IGF2R: variants seen among roughly 807,000 people sequenced by gnomAD.
IGF2R encodes insulin like growth factor 2 receptor, also known as cation-independent mannose-6-phosphate receptor.
In IGF2R, 91 loss-of-function variants were observed where a neutral mutation model predicts 270.6. The ratio of observed to expected loss-of-function variants is 0.34; its 90% CI spans 0.28 to 0.40. The LOEUF (loss-of-function observed/expected upper bound fraction) is 0.40, where lower values mean the gene tolerates loss of function less well. Ranked by LOEUF, IGF2R falls within the 10% of genes least tolerant of loss-of-function variation. The pLI is 1.00. For synonymous variants in IGF2R, 1,316 were observed against 1,258.9 expected, an observed-to-expected ratio of 1.05 and a Z score of -0.96; for missense variants, 2,805 against 3,188.3, an observed-to-expected ratio of 0.88 and a Z score of 2.90.
At chr6:160,072,293 T>A (rs915670108) in intron 32 of IGF2R, among the ~76,000 whole-genome samples, 2 of 152,046 alleles carry the variant, frequency 1.3e-5, no homozygotes, top group Admixed American at 6.5e-5. Flanking sequence ...TGAGAGGTGC[T>A]CCTGACTGGG....
chr6:160,024,852 A>G (rs1355570656), intron 5 of IGF2R, 148 bp downstream of exon 5: 11 of 851,616 alleles, frequency 1.3e-5, no homozygotes, highest in African/African-American at 6.8e-5. Flanking sequence ...AAAATGTTCT[A>G]TTTGCACAAC....
intron 1 of IGF2R, among the ~76,000 whole-genome samples, chr6:159,971,332 C>G (rs1197795834): frequency 6.6e-6 from 1 of 152,162 alleles, no homozygotes; most frequent in African/African-American, 2.4e-5. Flanking sequence ...GTAGGAATGG[C>G]CTTTGTATCT....
At chr6:160,054,877 T>C (rs982068280) in intron 19 of IGF2R, among the ~76,000 whole-genome samples, 5 of 152,220 alleles carry the variant, frequency 3.3e-5, no homozygotes, top group Admixed American at 6.5e-5. Flanking sequence ...TGTGGCAGCT[T>C]CCTCAAGCCC....
chr6:160,037,409 A>C (rs1448801812), intron 10 of IGF2R, among the ~76,000 whole-genome samples: 1 of 152,232 alleles, frequency 6.6e-6, no homozygotes, highest in Non-Finnish European at 1.5e-5. Flanking sequence ...TCGAATTTAA[A>C]CTTAGAGTTT....
chr6:160,006,381 GACACGCCCAC>G (rs1388515006), intron 2 of IGF2R: 1 of 152,958 alleles, frequency 6.5e-6, no homozygotes, highest in Non-Finnish European at 1.5e-5. Flanking sequence ...GTGCCTCCCA[GACACGCCCAC>G]TGCGGGCGGG....
intron 7 of IGF2R, among the ~76,000 whole-genome samples, chr6:160,030,641 G>T (rs1371811556): frequency 8.1e-6 from 1 of 124,100 alleles, no homozygotes; most frequent in Admixed American, 9.6e-5. Flanking sequence ...GATGTTCTCA[G>T]GCGGTAGTGG....
chr6:160,029,112 A>T (rs1480839915), intron 6 of IGF2R, among the ~76,000 whole-genome samples: 2 of 152,072 alleles, frequency 1.3e-5, no homozygotes, highest in Non-Finnish European at 2.9e-5. Flanking sequence ...CCTCCTCAGT[A>T]GCTGGGACTA....
rs922776633 is a variant in IGF2R, at chr6:159,998,329, A to G, written c.289+7006A>G. On this transcript the variant is annotated intron_variant, in intron 2 of 47. Transcript: ENST00000356956. This position sits in a 1 kb window ranked among gnomAD's most constrained non-coding sequence, Gnocchi z 4.1. The stretch of plus-strand genomic sequence containing the variant: ...CATAGACTGATGCCAGATGGAGGCA[A>G]CTTACTTGAAGGATAATTTGTGAGC... 2.0e-5 allele frequency among the ~76,000 whole-genome samples: 3 copies of G among 152,218 alleles called. No homozygotes were observed. Among genetic ancestry groups the G allele is most frequent in the Non-Finnish European group, 2.9e-5 (2 of 68,032 alleles).
At position 160,058,047 on chromosome 6, in the gene IGF2R, A is replaced by G. The variant is rs769815431; in HGVS notation, c.2821A>G (p.Ser941Gly). Reference protein sequence around the residue: ...DQACSIRDPNSGFVFNLNPLN... With the variant: ...DQACSIRDPNGGFVFNLNPLN... ...GGCTTGCTCTATAAGGGATCCCAAC[A>G]GTGGATTTGTGTTTAATCTTAATCC... The change falls in exon 21 of 48, where the codon AGT becomes GGT. Residue 941 changes from serine to glycine, a missense_variant. Ser to Gly is a moderately conservative substitution (Grantham distance 56). Around this residue, in one of 2 missense-constraint regions of IGF2R, gnomAD observed 1,851 missense variants for 2,207.2 expected, o/e 0.84. Coordinates refer to ENST00000356956, the MANE Select transcript of IGF2R (RefSeq NM_000876.4). The G allele has an allele frequency of 1.2e-6, 2 of 1,613,666 alleles. No homozygotes were observed. The highest frequency in any genetic ancestry group is 3.3e-5 in the Admixed American group (2 of 60,034).
intron 26 of IGF2R, 73 bp downstream of exon 26, chr6:160,062,692 T>C (rs534141676): frequency 1.9e-6 from 2 of 1,044,928 alleles, no homozygotes; most frequent in Non-Finnish European, 2.9e-6. Context: ...ATGCCTTAGA[T>C]ATGAGACCGT....
chr6:160,041,243 A>G (rs1252918179), intron 11 of IGF2R, among the ~76,000 whole-genome samples: 1 of 146,934 alleles, frequency 6.8e-6, no homozygotes, highest in Non-Finnish European at 1.5e-5. Flanking sequence ...TCAAGCAGGG[A>G]TAATCTGATG....
At chr6:160,080,816 A>G (rs115292577) in intron 39 of IGF2R, among the ~76,000 whole-genome samples, 18 of 152,248 alleles carry the variant, frequency 1.2e-4, no homozygotes, top group Admixed American at 2.6e-4. Flanking sequence ...AGGGAAATGC[A>G]TGAAAAATTA....
At position 160,103,598 on chromosome 6, in the gene IGF2R, G is replaced by A. The variant is rs8191948; in HGVS notation, c.6996-148G>A. The stretch of plus-strand genomic sequence containing the variant: ...CATTAGGGTATATATAACCTGTCAC[G>A]GCTACTCATTTGTCATTCAGAATGT... On this transcript the variant is annotated intron_variant, in intron 46 of 47. Coordinates refer to ENST00000356956, the MANE Select transcript of IGF2R (RefSeq NM_000876.4). 4,273 of 642,290 alleles carry A rather than the reference G, an allele frequency of 6.7e-3. 35 individuals carry two copies. Among genetic ancestry groups the A allele is most frequent in the Non-Finnish European group, 9.2e-3 (3,263 of 353,252 alleles). 39.8% of individuals were successfully genotyped at this position (642,290 alleles called of 1,614,324 possible).
chr6:159,970,093 C>T (rs1783587073), intron 1 of IGF2R, among the ~76,000 whole-genome samples: 1 of 152,012 alleles, frequency 6.6e-6, no homozygotes, highest in South Asian at 2.1e-4. Context: ...TCATTGTCTC[C>T]GGGGCGGATT....
intron 31 of IGF2R, among the ~76,000 whole-genome samples, chr6:160,071,153 C>T (rs1307382938): frequency 6.7e-6 from 1 of 150,008 alleles, no homozygotes; most frequent in Non-Finnish European, 1.5e-5. Context: ...GTGCCCCAGA[C>T]CCAGGAGGCT....
chr6:160,096,576 G>C lies in IGF2R; in HGVS notation c.6793G>C (p.Asp2265His), dbSNP rs1270143347. The C allele has an allele frequency of 6.2e-7, 1 of 1,613,972 alleles. No individual in the cohort carries two copies. Among genetic ancestry groups the C allele is most frequent in the Non-Finnish European group, 8.5e-7 (1 of 1,180,000 alleles). ...CCCCGAGTTCAGTCACGAGACTGCC[G>C]ACTGCCAGTACCTCTTCTCTTGGTA... ...GIPEFSHETA[D>H]CQYLFSWYTS... is the part of the protein sequence containing the mutation. The change falls in exon 45 of 48, where the codon GAC (aspartate) becomes CAC (histidine). Residue 2265 changes from aspartate (D) to histidine (H), a missense_variant. By Grantham distance (81) the Asp-to-His change is moderately conservative. This residue lies in a region of IGF2R where 1,851 missense variants were observed against 2,207.2 expected (regional missense o/e 0.84). Coordinates refer to ENST00000356956, the MANE Select transcript of IGF2R (RefSeq NM_000876.4).
rs149480671 is a variant in IGF2R at position 160,043,270 on chromosome 6, G to A, written c.1603G>A (p.Ala535Thr). The A allele has an allele frequency of 5.6e-6, 9 of 1,614,118 alleles. No homozygotes were observed. The highest frequency in any genetic ancestry group is 2.2e-5 in the South Asian group (2 of 91,074). The change falls in exon 12 of 48, where the codon GCG becomes ACG. Residue 535 changes from alanine (A) to threonine (T), a missense_variant. By Grantham distance (58) the Ala-to-Thr change is moderately conservative. This residue lies in a region of IGF2R where 954 missense variants were observed against 981.1 expected (regional missense o/e 0.97). Coordinates refer to ENST00000356956, the MANE Select transcript of IGF2R (RefSeq NM_000876.4). ...EGKARGCPEDAAVCAVDKNGS... is the reference protein window; with the variant it reads ...EGKARGCPEDTAVCAVDKNGS... ...CAAGGCACGAGGGTGTCCCGAGGAC[G>A]CGGCAGTGTGTGCAGTGGGTGAGTT... is the stretch of plus-strand genomic sequence containing the variant.
chr6:160,086,046 T>G (rs1188568779), intron 41 of IGF2R, among the ~76,000 whole-genome samples: 1 of 152,246 alleles, frequency 6.6e-6, no homozygotes, highest in African/African-American at 2.4e-5. Context: ...GATATTCGAC[T>G]AGTCTTTCCC....
At chr6:160,039,817 G>A (rs1237638894) in intron 10 of IGF2R, among the ~76,000 whole-genome samples, 4 of 152,128 alleles carry the variant, frequency 2.6e-5, no homozygotes, top group Non-Finnish European at 5.9e-5. Flanking sequence ...GCGTCCATGG[G>A]ATGGGGACGT....
Sources: allele counts gnomAD v4.1 joint callset (sites outside exome capture counted in the v4.1 genomes callset), GRCh38; gene constraint gnomAD v4.1.1; regional missense constraint gnomAD v4.1.1; non-coding constraint Gnocchi (gnomAD v3.1); transcripts MANE v1.5; gene names NCBI Gene and HGNC (gene_info 2026-07-23, HGNC 2026-07-21).